FAM193A: variants seen among roughly 807,000 people sequenced by gnomAD.
FAM193A encodes the protein protein FAM193A.
Under a neutral mutation model 126.5 loss-of-function variants are expected in FAM193A, and 22 were observed. The ratio of observed to expected loss-of-function variants is 0.17; its 90% CI spans 0.12 to 0.25. FAM193A has a LOEUF of 0.25. FAM193A is among the 10% of genes least tolerant of loss of function. The pLI is 1.00. For synonymous variants in FAM193A, 761 were observed against 646.8 expected (o/e 1.18, Z -2.68); for missense variants, 1,675 against 1,672.8 (o/e 1.00, Z -0.02).
At chr4:2,639,928 G>A (rs981912983) in intron 6 of FAM193A, 69 bp downstream of exon 6, 28 of 1,457,896 alleles carry the variant, frequency 1.9e-5, no homozygotes, top group East Asian at 6.9e-5. Context: ...ACTGGTGTGC[G>A]TGTACCCGAG....
At chr4:2,539,908 G>A (rs1687540595) in intron 1 of FAM193A, among the ~76,000 whole-genome samples, 1 of 151,726 alleles carries the variant, frequency 6.6e-6, no homozygotes, top group Admixed American at 6.6e-5. Context: ...AAACCAGCCT[G>A]GTTGACAGAT....
intron 18 of FAM193A, among the ~76,000 whole-genome samples, chr4:2,698,086 C>G (rs926416649): frequency 1.3e-5 from 2 of 152,194 alleles, no homozygotes; most frequent in African/African-American, 4.8e-5. Flanking sequence ...TACGCTGCAC[C>G]CATTTTACAG....
chr4:2,640,905 C>T (rs1464249423), intron 6 of FAM193A, among the ~76,000 whole-genome samples: 1 of 150,414 alleles, frequency 6.6e-6, no homozygotes, highest in Non-Finnish European at 1.5e-5. Flanking sequence ...GCAGAGGTTG[C>T]AGTGAGCCAA....
intron 13 of FAM193A, among the ~76,000 whole-genome samples, chr4:2,673,426 A>T (rs959222592): frequency 7.2e-5 from 11 of 152,172 alleles, no homozygotes; most frequent in African/African-American, 2.4e-4. Context: ...GGAGAGGCGT[A>T]GGTGGAAGAT....
At chr4:2,680,528 G>A (rs187033619) in intron 13 of FAM193A, among the ~76,000 whole-genome samples, 53 of 151,896 alleles carry the variant, frequency 3.5e-4, no homozygotes, top group African/African-American at 1.2e-3. Flanking sequence ...GAGAAGACAG[G>A]GTCTCACTAT....
intron 20 of FAM193A, among the ~76,000 whole-genome samples, chr4:2,727,006 A>G (rs1400196508): frequency 6.6e-6 from 1 of 151,722 alleles, no homozygotes; most frequent in Non-Finnish European, 1.5e-5. Flanking sequence ...CCTGCCTGTA[A>G]TCCCACTACT....
chr4:2,551,390 A>C (rs1044841017), intron 1 of FAM193A, among the ~76,000 whole-genome samples: 2 of 152,188 alleles, frequency 1.3e-5, no homozygotes, highest in Non-Finnish European at 2.9e-5. Context: ...GTGCTGAAAA[A>C]GTTTCAGATT....
chr4:2,724,200 C>T (rs1184522171), intron 20 of FAM193A, among the ~76,000 whole-genome samples: 4 of 152,136 alleles, frequency 2.6e-5, no homozygotes, highest in African/African-American at 4.8e-5. Flanking sequence ...TCAGCTTTGA[C>T]CACACAGGAT....
chr4:2,679,548 T>A (rs902765455), intron 13 of FAM193A, among the ~76,000 whole-genome samples: 1 of 151,670 alleles, frequency 6.6e-6, no homozygotes, highest in Non-Finnish European at 1.5e-5. Context: ...CCCGGCTAAT[T>A]TTGTATTTTT....
At position 2,646,815 on chromosome 4, in the gene FAM193A, G is replaced by A. The variant is rs779733557; in HGVS notation, c.1294G>A (p.Ala432Thr). Residue 432 changes from alanine to threonine, a missense_variant, in exon 7 of 21, where the codon GCC (alanine) becomes ACC (threonine). This residue lies in a region of FAM193A where 1,186 missense variants were observed against 1,109.2 expected (regional missense o/e 1.07). Coordinates refer to ENST00000637812, the MANE Select transcript of FAM193A (RefSeq NM_001366318.2). ...GCTGGAGTGCCAGAAGAGGATCGAC[G>A]CCTATGTCGACGAGCAGGTGAGTGC... ...EWLECQKRIDAYVDEQMTMKT... is the reference protein window; with the variant it reads ...EWLECQKRIDTYVDEQMTMKT... 143 of 1,612,714 alleles carry A rather than the reference G, an allele frequency of 8.9e-5. No individual in the cohort carries two copies. The highest frequency in any genetic ancestry group is 1.1e-4 in the Non-Finnish European group (134 of 1,179,488).
chr4:2,540,536 T>C (rs910546718), intron 1 of FAM193A, among the ~76,000 whole-genome samples: 2 of 151,722 alleles, frequency 1.3e-5, no homozygotes, highest in African/African-American at 2.4e-5. Flanking sequence ...TAGTCCCAGC[T>C]ACTCCGGAGG....
At chr4:2,607,108 G>C (rs1252222750) in intron 2 of FAM193A, among the ~76,000 whole-genome samples, 2 of 152,132 alleles carry the variant, frequency 1.3e-5, no homozygotes, top group African/African-American at 4.8e-5. Flanking sequence ...CTCTTCCTGG[G>C]GCGTGCCGGA....
intron 19 of FAM193A, among the ~76,000 whole-genome samples, chr4:2,704,997 C>T (rs1412204480): frequency 1.3e-5 from 2 of 152,084 alleles, no homozygotes; most frequent in Admixed American, 6.5e-5. Context: ...CTGCAAGCTC[C>T]GCCTCCGGGG....
At chr4:2,590,485 ACAAAAAAAAACAAAAAAAAAC>A (rs1740485987) in intron 1 of FAM193A, among the ~76,000 whole-genome samples, 2 of 83,794 alleles carry the variant, frequency 2.4e-5, no homozygotes, top group African/African-American at 1.0e-4. Context: ...ACAAAAAAAA[ACAAAAAAAAACAAAAAAAAAC>A]AAAAAAAAAA....
intron 6 of FAM193A, among the ~76,000 whole-genome samples, chr4:2,643,477 T>C (rs540768454): frequency 6.6e-6 from 1 of 152,312 alleles, no homozygotes; most frequent in South Asian, 2.1e-4. Context: ...ACATTAATTA[T>C]ATTCATAGTG....
intron 20 of FAM193A, among the ~76,000 whole-genome samples, chr4:2,724,696 T>TGA (rs1265491785): frequency 5.3e-5 from 8 of 151,986 alleles, no homozygotes; most frequent in African/African-American, 1.9e-4. Flanking sequence ...GGAGATAGAG[T>TGA]GAGACCCTGT....
In FAM193A at chr4:2,650,881, C is replaced by T. The variant is rs544108614; in HGVS notation, c.1311+4049C>T. On this transcript the variant is annotated intron_variant, in intron 7 of 20. Coordinates refer to ENST00000637812, the MANE Select transcript of FAM193A (RefSeq NM_001366318.2). ...GCAGCAACGGTATTTGCCTTTGGCC[C>T]AGAGAACGCTGTCTCAGGGCCCTCC... Among the ~76,000 whole-genome samples the T allele has an allele frequency of 1.2e-4, 18 of 152,262 alleles. No homozygotes were observed. The South Asian group carries it at 1.7e-3, about 14-fold the overall frequency.
chr4:2,596,188 T>C lies in FAM193A; in HGVS notation c.360T>C (p.Ser120=), dbSNP rs1319424746. 2.8e-6 allele frequency: 2 copies of C among 702,748 alleles called. No individual in the cohort carries two copies. The highest frequency in any genetic ancestry group is 2.7e-5 in the East Asian group (1 of 37,280). 43.5% of individuals were successfully genotyped at this position (702,748 alleles called of 1,614,324 possible). The change falls in exon 2 of 21, where the codon AGT becomes AGC. Residue 120 remains serine, a synonymous_variant. Transcript: ENST00000637812. The part of the protein sequence containing the change: ...SERKDSSFLE[S]GIKTASKLAL... ...GGAAAGACTCATCATTCTTAGAGAG[T>C]GGAATTAAGACTGCGAGCAAATTGG... is the stretch of plus-strand genomic sequence containing the variant.
intron 19 of FAM193A, among the ~76,000 whole-genome samples, chr4:2,713,755 A>G (rs576229667): frequency 5.8e-4 from 88 of 152,280 alleles, no homozygotes; most frequent in African/African-American, 2.0e-3. Context: ...AGGTGTCTTC[A>G]GGTTGGTGAA....
Sources: allele counts gnomAD v4.1 joint callset (sites outside exome capture counted in the v4.1 genomes callset), GRCh38; gene constraint gnomAD v4.1.1; regional missense constraint gnomAD v4.1.1; transcripts MANE v1.5; gene names NCBI Gene and HGNC (gene_info 2026-07-23, HGNC 2026-07-21).